The following ADCY2 variants were observed in gnomAD, a reference collection of about 807,000 sequenced individuals.
ADCY2 encodes the protein adenylate cyclase type 2.
In ADCY2, 31 loss-of-function variants were observed where a neutral mutation model predicts 125.2. The ratio of observed to expected loss-of-function variants is 0.25; its 90% CI spans 0.19 to 0.33. The LOEUF is 0.33. ADCY2 is among the 10% of genes least tolerant of loss of function. ADCY2 has a pLI of 1.00. For missense variants in ADCY2, 904 were observed against 1,418.2 expected (o/e 0.64, Z 5.82); for synonymous variants, 512 against 548.4 (o/e 0.93, Z 0.93).
intron 4 of ADCY2, among the ~76,000 whole-genome samples, chr5:7,667,189 A>G (rs1739786024): frequency 6.6e-6 from 1 of 152,024 alleles, no homozygotes; most frequent in Non-Finnish European, 1.5e-5. Flanking sequence ...AGGCTTTTCC[A>G]CTTTCCTGAT....
chr5:7,756,278 A>G (rs1229236656), intron 15 of ADCY2, among the ~76,000 whole-genome samples: 1 of 152,200 alleles, frequency 6.6e-6, no homozygotes, highest in Non-Finnish European at 1.5e-5. Context: ...GGCCCTCAAG[A>G]TGGGTGAGCT....
chr5:7,554,876 C>A (rs1213579391), intron 3 of ADCY2, among the ~76,000 whole-genome samples: 2 of 152,022 alleles, frequency 1.3e-5, no homozygotes, highest in African/African-American at 4.8e-5. Context: ...AGTGACTATC[C>A]CCAGAATGTG....
intron 2 of ADCY2, 85 bp downstream of exon 2, chr5:7,414,855 T>C (rs1341746256): frequency 8.3e-7 from 1 of 1,209,686 alleles, no homozygotes; most frequent in African/African-American, 1.5e-5. Flanking sequence ...GCCTTAAACT[T>C]TGAAGAGGAG....
rs545602888 is a variant in ADCY2 at position 7,767,846 on chromosome 5, C to T, written c.2214+1040C>T. Among the ~76,000 whole-genome samples, 8 of 151,998 alleles carry T rather than the reference C, an allele frequency of 5.3e-5. No individual in the cohort carries two copies. The South Asian group carries it at 6.2e-4, about 12-fold the overall frequency. The stretch of plus-strand genomic sequence containing the variant: ...GAGATCAAGACCATCCTGCCTAACA[C>T]GGTGAAACCCCGTCTCTACTAAAAA... On this transcript the variant is annotated intron_variant, in intron 17 of 24. Transcript: ENST00000338316.
In ADCY2 at chr5:7,396,847, G is replaced by A. The variant is rs1390051698; in HGVS notation, c.210+341G>A. 1.3e-5 allele frequency among the ~76,000 whole-genome samples: 2 copies of A among 152,184 alleles called. No homozygotes were observed. The highest frequency in any genetic ancestry group is 2.4e-5 in the African/African-American group (1 of 41,460). The stretch of plus-strand genomic sequence containing the variant: ...TCCGCCGGGCACCGCTGCCCGCAGC[G>A]CTGGAATAGGTCTTCCCCGACTCAG... On this transcript the variant is annotated intron_variant, in intron 1 of 24. Coordinates refer to ENST00000338316, the MANE Select transcript of ADCY2 (RefSeq NM_020546.3). This position sits in a 1 kb window ranked among gnomAD's most constrained non-coding sequence, Gnocchi z 5.7.
chr5:7,573,493 C>A (rs1193187568), intron 3 of ADCY2, among the ~76,000 whole-genome samples: 1 of 150,142 alleles, frequency 6.7e-6, no homozygotes, highest in Non-Finnish European at 1.5e-5. Flanking sequence ...TATGTGACTA[C>A]ATGATTATTT....
chr5:7,795,869 A>C (rs747802827), intron 20 of ADCY2: 3 of 152,146 alleles, frequency 2.0e-5, no homozygotes, highest in Non-Finnish European at 4.4e-5. Flanking sequence ...GTGTAAAAAA[A>C]AATGTACATA....
chr5:7,520,717 GTTC>G lies in ADCY2; in HGVS notation c.409-13_409-11del, dbSNP rs773475729. 8.4e-5 allele frequency: 135 copies of G among 1,613,464 alleles called. No homozygotes were observed. The African/African-American group carries it at 1.5e-3, about 18-fold the overall frequency. On this transcript the variant is annotated intron_variant, in intron 2 of 24. Transcript: ENST00000338316. Reference sequence around the variant, plus strand: ...ACCAGAATATTTGGTGACTCTTATTGTTCTTCTTCTCTGCCCGTAGGTATCGTT... The same window carrying G: ...ACCAGAATATTTGGTGACTCTTATTGTTCTTCTCTGCCCGTAGGTATCGTT...
intron 16 of ADCY2, among the ~76,000 whole-genome samples, chr5:7,766,399 A>T (rs1743380406): frequency 6.6e-6 from 1 of 152,208 alleles, no homozygotes; most frequent in African/African-American, 2.4e-5. Context: ...ATCGGTTTCA[A>T]ATGTAATTCT....
intron 3 of ADCY2, among the ~76,000 whole-genome samples, chr5:7,598,422 A>G (rs952249605): frequency 1.3e-5 from 2 of 152,244 alleles, no homozygotes; most frequent in Admixed American, 1.3e-4. Context: ...TGTAGTTCTT[A>G]AAGTATGGCT....
intron 14 of ADCY2, among the ~76,000 whole-genome samples, chr5:7,737,822 G>T (rs1431119196): frequency 6.6e-6 from 1 of 152,034 alleles, no homozygotes; most frequent in East Asian, 1.9e-4. Context: ...TACATACAAG[G>T]GATCAATGAC....
intron 22 of ADCY2, among the ~76,000 whole-genome samples, chr5:7,811,722 A>G (rs1200005484): frequency 2.0e-5 from 3 of 152,056 alleles, no homozygotes; most frequent in African/African-American, 7.2e-5. Flanking sequence ...AATTTGCTCC[A>G]TTATTCTGCT....
At chr5:7,586,493 A>G (rs1349307929) in intron 3 of ADCY2, among the ~76,000 whole-genome samples, 1 of 152,198 alleles carries the variant, frequency 6.6e-6, no homozygotes, top group Non-Finnish European at 1.5e-5. Context: ...TTCTGTGTCA[A>G]TTCCTGAGTT....
chr5:7,732,226 G>A (rs1742124733), intron 14 of ADCY2, among the ~76,000 whole-genome samples: 1 of 152,196 alleles, frequency 6.6e-6, no homozygotes, highest in Non-Finnish European at 1.5e-5. Flanking sequence ...AGCAAGATTG[G>A]TGATCCCAAT....
In ADCY2 at chr5:7,566,217, A is replaced by G. The variant is rs2126594038; in HGVS notation, c.570+45318A>G. On this transcript the variant is annotated intron_variant, in intron 3 of 24. Coordinates refer to ENST00000338316, the MANE Select transcript of ADCY2 (RefSeq NM_020546.3). ...GAGAAAGGGACACTGCGCTGGGCGC[A>G]GTGGCTTAAGCCTGTAATCCCAACA... Among the ~76,000 whole-genome samples the G allele has an allele frequency of 1.3e-5, 2 of 152,316 alleles. 1 individual carries two copies. The highest frequency in any genetic ancestry group is 4.1e-4 in the South Asian group (2 of 4,824).
intron 2 of ADCY2, among the ~76,000 whole-genome samples, chr5:7,437,718 T>C (rs1017270828): frequency 6.6e-6 from 1 of 152,204 alleles, no homozygotes; most frequent in Non-Finnish European, 1.5e-5. Flanking sequence ...GTTCAACAGG[T>C]GAGTAATAAA....
At chr5:7,512,704 C>A (rs918711192) in intron 2 of ADCY2, among the ~76,000 whole-genome samples, 84 of 152,054 alleles carry the variant, frequency 5.5e-4, no homozygotes, top group African/African-American at 1.9e-3. Context: ...TCTGTGTAAT[C>A]CACTATGGTA....
chr5:7,533,397 ATTTG>A (rs1258154488), intron 3 of ADCY2, among the ~76,000 whole-genome samples: 2 of 151,700 alleles, frequency 1.3e-5, no homozygotes, highest in Non-Finnish European at 2.9e-5. Flanking sequence ...CTGGCTGATG[ATTTG>A]TTTGTTTTAC....
At chr5:7,603,039 CAG>C (rs1431868067) in intron 3 of ADCY2, among the ~76,000 whole-genome samples, 3 of 152,156 alleles carry the variant, frequency 2.0e-5, no homozygotes, top group Non-Finnish European at 4.4e-5. Flanking sequence ...GAGGCTGCTG[CAG>C]ATCCAGCCAT....
Sources: gnomAD v4.1 joint callset for allele counts (sites outside exome capture counted in the v4.1 genomes callset) on GRCh38, gnomAD v4.1.1 for gene constraint, Gnocchi (gnomAD v3.1) non-coding constraint, MANE v1.5 for transcripts, NCBI Gene and HGNC (gene_info 2026-07-23, HGNC 2026-07-21) for gene names.